The following CHD6 variants were observed in gnomAD, a reference collection of about 807,000 sequenced individuals.
CHD6 encodes chromodomain helicase DNA binding protein 6.
A neutral mutation model predicts 276.9 loss-of-function variants in CHD6; 50 were observed. The ratio of observed to expected loss-of-function variants is 0.18; its 90% CI spans 0.14 to 0.23. The LOEUF (loss-of-function observed/expected upper bound fraction) is 0.23, where lower values mean the gene tolerates loss of function less well. Among genes scored for constraint, CHD6 ranks in the 10% least tolerant of loss-of-function variants. The pLI is 1.00. For synonymous variants in CHD6, 1,173 were observed against 1,229.3 expected (o/e 0.95, Z 0.96); for missense variants, 2,564 against 3,365.8 (o/e 0.76, Z 5.89).
At chr20:41,433,871 A>G (rs1311247612) in intron 27 of CHD6, among the ~76,000 whole-genome samples, 1 of 152,186 alleles carries the variant, frequency 6.6e-6, no homozygotes, top group Non-Finnish European at 1.5e-5. Context: ...AAGCTGATAA[A>G]ATGATAGCAT....
At chr20:41,573,922 C>A (rs949860576) in intron 1 of CHD6, among the ~76,000 whole-genome samples, 3 of 152,146 alleles carry the variant, frequency 2.0e-5, no homozygotes, top group Admixed American at 2.0e-4. Flanking sequence ...AACAAACAAA[C>A]TCCCAGCTCT....
chr20:41,434,363 A>G (rs1032329359), intron 27 of CHD6, among the ~76,000 whole-genome samples: 14 of 152,292 alleles, frequency 9.2e-5, no homozygotes, highest in Middle Eastern at 3.4e-3. Context: ...TGCCAAGAAC[A>G]TGTAATTCTC....
At chr20:41,553,351 C>T (rs2045174045) in intron 1 of CHD6, among the ~76,000 whole-genome samples, 1 of 152,218 alleles carries the variant, frequency 6.6e-6, no homozygotes. Flanking sequence ...CTTCAAGCCT[C>T]CTTGGTTTGG....
chr20:41,563,288 T>TAACA, intron 1 of CHD6, among the ~76,000 whole-genome samples: 2 of 152,310 alleles, frequency 1.3e-5, no homozygotes, highest in Middle Eastern at 6.8e-3. Context: ...AGCTGCTGAA[T>TAACA]AACAAGGCTT....
At chr20:41,530,723 CA>C (rs971929757) in intron 3 of CHD6, among the ~76,000 whole-genome samples, 1 of 152,118 alleles carries the variant, frequency 6.6e-6, no homozygotes, top group African/African-American at 2.4e-5. Context: ...CCCTGGAGTA[CA>C]TAGAAGAATT....
chr20:41,508,783 G>C (rs1484212545), intron 5 of CHD6, among the ~76,000 whole-genome samples: 1 of 152,072 alleles, frequency 6.6e-6, no homozygotes, highest in African/African-American at 2.4e-5. Context: ...AGCCCTTTCT[G>C]AGGGTTTAAG....
chr20:41,575,767 C>A lies in CHD6; in HGVS notation c.-23-24407G>T, dbSNP rs192327415. On this transcript the variant is annotated intron_variant, in intron 1 of 36. Transcript: ENST00000373233. ...TTGTATGGTTTGTCCCTCCGAGGAGCTGGTCACCTCACTCAACAACCAACA... is the reference window on the plus strand; with the variant it reads ...TTGTATGGTTTGTCCCTCCGAGGAGATGGTCACCTCACTCAACAACCAACA... Among the ~76,000 whole-genome samples, 472 of 152,328 alleles carry A rather than the reference C, an allele frequency of 3.1e-3. 2 individuals are homozygous for A. The highest frequency in any genetic ancestry group is 4.6e-3 in the Non-Finnish European group (312 of 68,042).
At chr20:41,538,532 G>A (rs900215377) in intron 2 of CHD6, among the ~76,000 whole-genome samples, 6 of 152,114 alleles carry the variant, frequency 3.9e-5, no homozygotes, top group African/African-American at 1.4e-4. Flanking sequence ...TGGGGGTTAC[G>A]AAAATGTTCT....
At chr20:41,428,220 T>C (rs1000178111) in intron 27 of CHD6, among the ~76,000 whole-genome samples, 2 of 152,226 alleles carry the variant, frequency 1.3e-5, no homozygotes, top group Admixed American at 1.3e-4. Context: ...TGTCCTCTCT[T>C]GAAGGTACTT....
At position 41,581,674 on chromosome 20, in the gene CHD6, C is replaced by CAA. The variant is rs11312840; in HGVS notation, c.-23-30316_-23-30315dup. The stretch of plus-strand genomic sequence containing the variant: ...CTGACGACAGAGCGAGACTCCATCT[C>CAA]AAAAAAAAAAAAAAATCACCATTAT... On this transcript the variant is annotated intron_variant, in intron 1 of 36. Coordinates refer to ENST00000373233, the MANE Select transcript of CHD6 (RefSeq NM_032221.5). Among the ~76,000 whole-genome samples the CAA allele has an allele frequency of 5.3e-4, 72 of 135,040 alleles. No homozygotes were observed. The East Asian group carries it at 0.012, about 22-fold the overall frequency. 88.6% of individuals were successfully genotyped at this position (135,040 alleles called of 152,430 possible).
intron 28 of CHD6, among the ~76,000 whole-genome samples, chr20:41,425,625 T>C (rs2047337584): frequency 6.6e-6 from 1 of 152,146 alleles, no homozygotes; most frequent in Admixed American, 6.5e-5. Context: ...CACAGAAGTG[T>C]CTTTTTGTGG....
Position 41,457,423 on chromosome 20 carries a change from C to T in CHD6, c.2670G>A (p.Gln890=). The T allele has an allele frequency of 1.2e-6, 2 of 1,609,226 alleles. No homozygotes were observed. Among genetic ancestry groups the T allele is most frequent in the Non-Finnish European group, 1.7e-6 (2 of 1,175,940 alleles). ...DWNPQNDLQA[Q]ARCHRIGQSK... ...TCTGGCCTATGCGGTGACATCGGGC[C>T]TGAGCCTGGGAAGAAGAAGAGTCAT... Residue 890 remains glutamine (Q), a synonymous_variant, in exon 18 of 37, where the codon CAG becomes CAA. Transcript: ENST00000373233.
At chr20:41,553,706 C>T (rs776054452) in intron 1 of CHD6, among the ~76,000 whole-genome samples, 1 of 152,220 alleles carries the variant, frequency 6.6e-6, no homozygotes, top group African/African-American at 2.4e-5. Flanking sequence ...CGATTGCGTA[C>T]CCTTTCTGCA....
intron 2 of CHD6, among the ~76,000 whole-genome samples, chr20:41,541,614 G>A (rs2090886893): frequency 6.6e-6 from 1 of 152,220 alleles, no homozygotes; most frequent in Non-Finnish European, 1.5e-5. Context: ...AGAAGAAACA[G>A]TGAGATAAGT....
intron 3 of CHD6, among the ~76,000 whole-genome samples, chr20:41,526,294 C>T (rs1042903034): frequency 6.6e-6 from 1 of 152,176 alleles, no homozygotes; most frequent in Non-Finnish European, 1.5e-5. Flanking sequence ...GACTCATACA[C>T]ACCGTTATGT....
chr20:41,579,129 CAAAA>C (rs58395642), intron 1 of CHD6, among the ~76,000 whole-genome samples: 3 of 42,820 alleles, frequency 7.0e-5, no homozygotes, highest in African/African-American at 2.1e-4. Flanking sequence ...GACTCCATCT[CAAAA>C]AAAAAAAAAA....
intron 2 of CHD6, among the ~76,000 whole-genome samples, chr20:41,536,105 G>T (rs2044824610): frequency 6.6e-6 from 1 of 152,102 alleles, no homozygotes; most frequent in South Asian, 2.1e-4. Flanking sequence ...GTCAGCAAGG[G>T]AAAGGCAAAG....
At chr20:41,616,911 G>A (rs1429677870) in intron 1 of CHD6, among the ~76,000 whole-genome samples, 1 of 152,054 alleles carries the variant, frequency 6.6e-6, no homozygotes, top group Non-Finnish European at 1.5e-5. Context: ...CCCCCAATAA[G>A]TTACACAGCT....
intron 1 of CHD6, among the ~76,000 whole-genome samples, chr20:41,559,727 T>C (rs1391156524): frequency 6.6e-6 from 1 of 152,200 alleles, no homozygotes; most frequent in African/African-American, 2.4e-5. Context: ...CAATGACCAC[T>C]GCACATTTGC....
Sources: allele counts gnomAD v4.1 joint callset (sites outside exome capture counted in the v4.1 genomes callset), GRCh38; gene constraint gnomAD v4.1.1; transcripts MANE v1.5; gene names NCBI Gene and HGNC (gene_info 2026-07-23, HGNC 2026-07-21).